IQSEC1: variants seen among roughly 807,000 people sequenced by gnomAD.
The protein encoded by IQSEC1 is IQ motif and Sec7 domain ArfGEF 1.
IQSEC1 carries 31 observed loss-of-function variants against 91.0 expected under a neutral mutation model. The observed-to-expected ratio is 0.34, with a 90% CI of 0.26 to 0.46. IQSEC1 has a LOEUF of 0.46. Ranked by LOEUF, IQSEC1 falls within the 20% of genes least tolerant of loss-of-function variation. The pLI, the probability that IQSEC1 is intolerant of heterozygous loss-of-function variation, is 1.00. For synonymous variants in IQSEC1, 699 were observed against 662.6 expected (o/e 1.05, Z -0.84); for missense variants, 1,388 against 1,575.6 (o/e 0.88, Z 2.02).
At chr3:12,997,506 T>C (rs1702268626) in intron 1 of IQSEC1, among the ~76,000 whole-genome samples, 1 of 152,252 alleles carries the variant, frequency 6.6e-6, no homozygotes, top group South Asian at 2.1e-4. Flanking sequence ...CAGTGCTTAA[T>C]GATGGGGATA....
intron 2 of IQSEC1, among the ~76,000 whole-genome samples, chr3:13,123,922 T>A (rs531911389): frequency 6.6e-6 from 1 of 152,270 alleles, no homozygotes. Flanking sequence ...AAATCTAGCC[T>A]GCGGCTTGCT....
intron 1 of IQSEC1, among the ~76,000 whole-genome samples, chr3:13,252,728 G>GTTTTTTTTTTTT (rs558834911): frequency 2.5e-5 from 3 of 117,954 alleles, no homozygotes; most frequent in African/African-American, 1.5e-4. Flanking sequence ...GTTTTTTTTT[G>GTTTTTTTTTTTT]TTTTTGTTTG....
rs1706032060 is a variant in IQSEC1, at chr3:13,100,093, A to G, written c.303-52571T>C. 1.4e-5 allele frequency among the ~76,000 whole-genome samples: 2 copies of G among 147,880 alleles called. 1 individual carries two copies. The highest frequency in any genetic ancestry group is 4.3e-4 in the South Asian group (2 of 4,702). On this transcript the variant is annotated intron_variant, in intron 2 of 15. Transcript: ENST00000648114. ...AGGAGTCCGCTGGATTTGTGCTGAGAACAGTGGCGTGGCGAGGGCTGCGGG... is the reference window on the plus strand; with the variant it reads ...AGGAGTCCGCTGGATTTGTGCTGAGGACAGTGGCGTGGCGAGGGCTGCGGG...
At chr3:13,154,981 C>T (rs987410586) in intron 2 of IQSEC1, among the ~76,000 whole-genome samples, 15 of 151,908 alleles carry the variant, frequency 9.9e-5, no homozygotes, top group South Asian at 4.2e-4. Context: ...TGGAACACAG[C>T]GAAAGTAGTA....
intron 1 of IQSEC1, among the ~76,000 whole-genome samples, chr3:13,169,734 G>A (rs1693572923): frequency 2.0e-5 from 3 of 152,204 alleles, no homozygotes; most frequent in African/African-American, 7.2e-5. Flanking sequence ...TTTTGCCTCT[G>A]CTCTAGAGAT....
chr3:12,899,184 A>C lies in IQSEC1; in HGVS notation c.*1799T>G, dbSNP rs1251674316. On this transcript the variant is annotated 3_prime_UTR_variant, in exon 14 of 14. Coordinates refer to ENST00000613206, the MANE Select transcript of IQSEC1 (RefSeq NM_001134382.3). ...GGGTGGGAGGGATGTGAGGAGGGAA[A>C]TCGGCAAAACCCTGGCCAGCCAGCC... is the stretch of plus-strand genomic sequence containing the variant. 8.4e-6 allele frequency: 5 copies of C among 596,776 alleles called. No homozygotes were observed. Among genetic ancestry groups the C allele is most frequent in the Non-Finnish European group, 1.2e-5 (4 of 333,420 alleles). The allele number at this position is 596,776 out of a possible 1,614,324, so 37.0% of individuals were successfully genotyped here.
rs1694154662 is a variant in IQSEC1 at position 12,900,597 on chromosome 3, G to GT, written c.*385dup. 9.6e-7 allele frequency: 1 copy of GT among 1,040,362 alleles called. No homozygotes were observed. The highest frequency in any genetic ancestry group is 1.2e-6 in the Non-Finnish European group (1 of 864,162). The allele number at this position is 1,040,362 out of a possible 1,614,324, so 64.4% of individuals were successfully genotyped here. On this transcript the variant is annotated 3_prime_UTR_variant, in exon 14 of 14. Transcript: ENST00000613206. ...GCAAGTTTTGGGGTTTGTTTTGTCT[G>GT]TTTTTGTATCTCATTTCTTCGTTTT...
intron 2 of IQSEC1, among the ~76,000 whole-genome samples, chr3:13,125,982 T>A (rs578161587): frequency 6.6e-6 from 1 of 152,268 alleles, no homozygotes; most frequent in South Asian, 2.1e-4. Context: ...AAAATGAGAT[T>A]TGGTGTTCTC....
At chr3:12,932,425 T>C (rs956441046) in intron 3 of IQSEC1, among the ~76,000 whole-genome samples, 11 of 152,244 alleles carry the variant, frequency 7.2e-5, no homozygotes, top group African/African-American at 2.4e-5. Flanking sequence ...CCTAGTCGTC[T>C]ACCAACTATG....
chr3:13,071,756 C>T (rs1281920646), intron 1 of IQSEC1, among the ~76,000 whole-genome samples: 2 of 148,912 alleles, frequency 1.3e-5, no homozygotes, highest in Admixed American at 6.7e-5. Flanking sequence ...AACCAGAGGC[C>T]GCCATCCCCC....
chr3:13,170,357 G>T (rs1199324837), intron 1 of IQSEC1, among the ~76,000 whole-genome samples: 1 of 152,248 alleles, frequency 6.6e-6, no homozygotes, highest in Non-Finnish European at 1.5e-5. Flanking sequence ...TTGCTGTAGG[G>T]GCAGGGCCCT....
chr3:13,030,251 C>A (rs1703794953), intron 1 of IQSEC1, among the ~76,000 whole-genome samples: 1 of 152,188 alleles, frequency 6.6e-6, no homozygotes, highest in Non-Finnish European at 1.5e-5. Flanking sequence ...GCATGCACCA[C>A]CACACGTAGC....
In IQSEC1 at chr3:12,941,873, GGA is replaced by G. The variant is rs754663816; in HGVS notation, c.24-10_24-9del. The G allele has an allele frequency of 4.4e-6, 7 of 1,574,628 alleles. No individual in the cohort carries two copies. The highest frequency in any genetic ancestry group is 1.1e-5 in the South Asian group (1 of 87,500). ...GGGGCCTCGCCCTCGACGCTGCAGA[GGA>G]GAGAGAGGTGAGAAGCTTCTGGTAA... On this transcript the variant is annotated splice_polypyrimidine_tract_variant and intron_variant, in intron 1 of 13. Coordinates refer to ENST00000613206, the MANE Select transcript of IQSEC1 (RefSeq NM_001134382.3).
At chr3:13,006,503 C>G (rs920827177) in intron 1 of IQSEC1, among the ~76,000 whole-genome samples, 1 of 152,250 alleles carries the variant, frequency 6.6e-6, no homozygotes, top group Non-Finnish European at 1.5e-5. Flanking sequence ...CATCCACTGG[C>G]AGACATGGGA....
intron 3 of IQSEC1, among the ~76,000 whole-genome samples, chr3:12,929,628 G>A (rs2125254385): frequency 6.6e-6 from 1 of 152,302 alleles, no homozygotes; most frequent in South Asian, 2.1e-4. Context: ...TCCTGCTGCT[G>A]AAAATCCACT....
intron 1 of IQSEC1, among the ~76,000 whole-genome samples, chr3:13,280,440 A>T (rs1460251165): frequency 6.6e-6 from 1 of 152,340 alleles, no homozygotes; most frequent in East Asian, 1.9e-4. Flanking sequence ...CCAGAACCCC[A>T]CGCATGTGAG....
intron 2 of IQSEC1, among the ~76,000 whole-genome samples, chr3:13,142,221 C>T (rs1205490458): frequency 1.3e-5 from 2 of 152,210 alleles, no homozygotes; most frequent in South Asian, 2.1e-4. Context: ...CAGCGGGCTG[C>T]GGGAGTGCAT....
At position 12,899,491 on chromosome 3, in the gene IQSEC1, C is replaced by G; in HGVS notation, c.*1492G>C. On this transcript the variant is annotated 3_prime_UTR_variant, in exon 14 of 14. Transcript: ENST00000613206. ...ACAGACCTGCCGCGTGCAGGTCTGG[C>G]CCTGGGGAGCGCATGGTGTCACCAC... The G allele has an allele frequency of 6.3e-7, 1 of 1,580,150 alleles. No individual in the cohort carries two copies. Among genetic ancestry groups the G allele is most frequent in the African/African-American group, 1.3e-5 (1 of 74,222 alleles).
At chr3:13,165,537 C>CGTGT (rs57239903) in intron 1 of IQSEC1, among the ~76,000 whole-genome samples, 832 of 66,542 alleles carry the variant, frequency 0.013, 14 homozygotes, top group South Asian at 0.024. Flanking sequence ...GGGGGGGTGG[C>CGTGT]GTGTGTGTGT....
Sources: gnomAD v4.1 joint callset for allele counts (sites outside exome capture counted in the v4.1 genomes callset) on GRCh38, gnomAD v4.1.1 for gene constraint, MANE v1.5 for transcripts, NCBI Gene and HGNC (gene_info 2026-07-23, HGNC 2026-07-21) for gene names.